Variants in ZRANB3 observed in about 807,000 individuals in gnomAD.
ZRANB3 encodes DNA annealing helicase and endonuclease ZRANB3.
Under a neutral mutation model 133.8 loss-of-function variants are expected in ZRANB3, and 125 were observed. The ratio of observed to expected loss-of-function variants is 0.93; its 90% CI spans 0.81 to 1.08. The LOEUF is 1.08. Among genes scored for constraint, ZRANB3 ranks in the 50% least tolerant of loss-of-function variants. The pLI is 0.00. For synonymous variants in ZRANB3, 387 were observed against 432.7 expected, an observed-to-expected ratio of 0.89 and a Z score of 1.31; for missense variants, 1,229 against 1,275.5, an observed-to-expected ratio of 0.96 and a Z score of 0.56.
intron 12 of ZRANB3, among the ~76,000 whole-genome samples, chr2:135,249,639 C>A (rs913491046): frequency 6.6e-5 from 10 of 152,106 alleles, no homozygotes; most frequent in African/African-American, 2.2e-4. Context: ...ATCATGGGGG[C>A]CAGTTTTTCC....
At chr2:135,479,362 C>T (rs1299440387) in intron 2 of ZRANB3, among the ~76,000 whole-genome samples, 1 of 152,154 alleles carries the variant, frequency 6.6e-6, no homozygotes, top group East Asian at 1.9e-4. Flanking sequence ...TGGCCAGGCA[C>T]GGTGGCTCAT....
intron 8 of ZRANB3, among the ~76,000 whole-genome samples, chr2:135,311,936 A>T (rs1041062764): frequency 6.6e-6 from 1 of 152,060 alleles, no homozygotes; most frequent in African/African-American, 2.4e-5. Context: ...AAAGTGTAAA[A>T]CTATAGTGAC....
At chr2:135,513,495 A>G (rs1267773134) in intron 1 of ZRANB3, among the ~76,000 whole-genome samples, 1 of 152,194 alleles carries the variant, frequency 6.6e-6, no homozygotes, top group Non-Finnish European at 1.5e-5. Flanking sequence ...TGCTGAGACA[A>G]CTAGATGTTC....
chr2:135,268,029 G>T (rs1357070105), intron 11 of ZRANB3, among the ~76,000 whole-genome samples: 4 of 152,052 alleles, frequency 2.6e-5, no homozygotes, highest in African/African-American at 9.7e-5. Context: ...AACCATACTG[G>T]CATCCTAATC....
intron 10 of ZRANB3, among the ~76,000 whole-genome samples, chr2:135,270,999 G>A (rs2105119553): frequency 6.6e-6 from 1 of 152,260 alleles, no homozygotes; most frequent in South Asian, 2.1e-4. Flanking sequence ...ATTTTTAGCA[G>A]GGCTACGTGG....
chr2:135,483,077 T>C (rs944165783), intron 2 of ZRANB3, among the ~76,000 whole-genome samples: 4 of 152,138 alleles, frequency 2.6e-5, no homozygotes, highest in African/African-American at 9.7e-5. Flanking sequence ...TCTAAAATTC[T>C]CTTTTTTGGC....
intron 2 of ZRANB3, among the ~76,000 whole-genome samples, chr2:135,396,604 C>T (rs1335312698): frequency 6.6e-6 from 1 of 151,860 alleles, no homozygotes; most frequent in Non-Finnish European, 1.5e-5. Flanking sequence ...GTGTGGGAAT[C>T]CAAAATTAAG....
chr2:135,244,906 G>T (rs981740392), intron 12 of ZRANB3, among the ~76,000 whole-genome samples: 1 of 152,180 alleles, frequency 6.6e-6, no homozygotes, highest in Non-Finnish European at 1.5e-5. Flanking sequence ...GGTAGTTTAT[G>T]AACAGTGGCA....
chr2:135,306,980 CCTCTCAAA>C (rs2104815915), intron 8 of ZRANB3, among the ~76,000 whole-genome samples: 1 of 152,316 alleles, frequency 6.6e-6, no homozygotes, highest in South Asian at 2.1e-4. Context: ...CCCACCTCAA[CCTCTCAAA>C]CTGCTGGCAT....
chr2:135,520,917 A>T (rs1351931894), intron 1 of ZRANB3, among the ~76,000 whole-genome samples: 1 of 152,142 alleles, frequency 6.6e-6, no homozygotes, highest in Admixed American at 6.5e-5. Flanking sequence ...TAAAAGCAAG[A>T]ATATTACAAT....
chr2:135,364,505 T>C (rs1286238452), intron 3 of ZRANB3, among the ~76,000 whole-genome samples: 2 of 152,154 alleles, frequency 1.3e-5, no homozygotes, highest in Non-Finnish European at 2.9e-5. Flanking sequence ...CCTAGCACTT[T>C]GGGAGGCTGA....
intron 2 of ZRANB3, among the ~76,000 whole-genome samples, chr2:135,464,776 G>C (rs1278066793): frequency 2.6e-5 from 4 of 152,204 alleles, no homozygotes; most frequent in Admixed American, 2.6e-4. Flanking sequence ...CCAATCATCT[G>C]ACTGCTGGGG....
rs763651057 is a variant in ZRANB3 at position 135,219,103 on chromosome 2, A to T, written c.2326T>A (p.Phe776Ile). 5.2e-6 allele frequency: 8 copies of T among 1,526,950 alleles called. No individual in the cohort carries two copies. Among genetic ancestry groups the T allele is most frequent in the Non-Finnish European group, 5.3e-6 (6 of 1,142,336 alleles). The allele number at this position is 1,526,950 out of a possible 1,614,324, so 94.6% of individuals were successfully genotyped here. ...LDLWEDLPAS[F>I]QLKQYRSLIL... ...AGTGAGCGATATTGTTTCAGCTGAAAGCTTGCTGGTAAATCTTCCCAAAGG... is the reference window on the plus strand; with the variant it reads ...AGTGAGCGATATTGTTTCAGCTGAATGCTTGCTGGTAAATCTTCCCAAAGG... Residue 776 changes from phenylalanine to isoleucine, a missense_variant, in exon 16 of 21, where the codon TTT (phenylalanine) becomes ATT (isoleucine). Coordinates refer to ENST00000264159, the MANE Select transcript of ZRANB3 (RefSeq NM_032143.4).
chr2:135,350,306 A>C, intron 4 of ZRANB3, 91 bp from the exon 5 acceptor site: 1 of 871,868 alleles, frequency 1.1e-6, no homozygotes, highest in Non-Finnish European at 1.7e-6. Context: ...TACAGAGGAG[A>C]AGAAAGAAGA....
chr2:135,345,888 T>C (rs903032905), intron 5 of ZRANB3, among the ~76,000 whole-genome samples: 3 of 152,194 alleles, frequency 2.0e-5, no homozygotes, highest in Admixed American at 1.3e-4. Context: ...ATCATATATA[T>C]TGTTACACTA....
At chr2:135,396,997 C>T (rs968117042) in intron 2 of ZRANB3, among the ~76,000 whole-genome samples, 18 of 151,788 alleles carry the variant, frequency 1.2e-4, no homozygotes, top group African/African-American at 4.4e-4. Flanking sequence ...GTGTGTTATC[C>T]ACGCCTGTAG....
intron 8 of ZRANB3, among the ~76,000 whole-genome samples, chr2:135,286,073 TTTA>T (rs1681349217): frequency 6.6e-6 from 1 of 152,226 alleles, no homozygotes; most frequent in Admixed American, 6.5e-5. Flanking sequence ...TGTTTTATTA[TTTA>T]TTTTTATTTT....
intron 12 of ZRANB3, among the ~76,000 whole-genome samples, chr2:135,243,449 G>A (rs987140442): frequency 3.9e-5 from 6 of 152,182 alleles, no homozygotes; most frequent in African/African-American, 1.4e-4. Context: ...GTTGCAGTGA[G>A]CCAAGATCGT....
chr2:135,412,073 G>T (rs1185865296), intron 2 of ZRANB3, among the ~76,000 whole-genome samples: 1 of 152,040 alleles, frequency 6.6e-6, no homozygotes, highest in African/African-American at 2.4e-5. Context: ...TTTTGTGAAT[G>T]ACTAAATAAA....
Sources: allele counts gnomAD v4.1 joint callset (sites outside exome capture counted in the v4.1 genomes callset), GRCh38; gene constraint gnomAD v4.1.1; transcripts MANE v1.5; gene names NCBI Gene and HGNC (gene_info 2026-07-23, HGNC 2026-07-21).